Variants in SEPTIN9 observed in about 807,000 individuals in gnomAD.
SEPTIN9 encodes septin 9.
In SEPTIN9, 13 loss-of-function variants were observed where a neutral mutation model predicts 56.6. The observed-to-expected ratio is 0.23, with a 90% CI of 0.15 to 0.37. The LOEUF is 0.37. SEPTIN9 is among the 10% of genes least tolerant of loss of function. The probability of loss-of-function intolerance (pLI) is 1.00; values close to 1 mark genes in which losing one functional copy is unlikely to be tolerated. For synonymous variants in SEPTIN9, 332 were observed against 334.1 expected, an observed-to-expected ratio of 0.99 and a Z score of 0.07; for missense variants, 650 against 823.1, an observed-to-expected ratio of 0.79 and a Z score of 2.57.
intron 1 of SEPTIN9, among the ~76,000 whole-genome samples, chr17:77,293,018 AT>A (rs1567977438): frequency 1.3e-5 from 2 of 149,750 alleles, no homozygotes; most frequent in African/African-American, 2.5e-5. Context: ...TTATTTATTT[AT>A]TTATTTATTT....
chr17:77,359,792 C>T (rs769867102), intron 2 of SEPTIN9, among the ~76,000 whole-genome samples: 3 of 150,844 alleles, frequency 2.0e-5, no homozygotes, highest in Non-Finnish European at 4.4e-5. Flanking sequence ...CAGGACCTGT[C>T]TCTAAAAACA....
chr17:77,386,156 T>G (rs893847319), intron 2 of SEPTIN9, among the ~76,000 whole-genome samples: 2 of 152,142 alleles, frequency 1.3e-5, no homozygotes. Context: ...GGGGATAACT[T>G]GGCTGAAACC....
chr17:77,428,636 G>A (rs1311842439), intron 3 of SEPTIN9, among the ~76,000 whole-genome samples: 2 of 152,196 alleles, frequency 1.3e-5, no homozygotes, highest in East Asian at 3.8e-4. Flanking sequence ...GTCCAGAGAG[G>A]TTAGGGCACT....
At position 77,425,135 on chromosome 17, in the gene SEPTIN9, C is replaced by G. The variant is rs1184328111; in HGVS notation, c.721+22432C>G. On this transcript the variant is annotated intron_variant, in intron 3 of 11. Transcript: ENST00000427177. This position sits in a 1 kb window ranked among gnomAD's most constrained non-coding sequence, Gnocchi z 4.2. ...CCGGGGCTGTTCCTGGCGCCCTGCC[C>G]TCCCCCAGAGCCCCACTGACCTGCA... Among the ~76,000 whole-genome samples, 1 of 152,222 alleles carries G rather than the reference C, an allele frequency of 6.6e-6. No homozygotes were observed. The highest frequency in any genetic ancestry group is 1.5e-5 in the Non-Finnish European group (1 of 68,026).
At chr17:77,464,663 C>T (rs1023235861) in intron 3 of SEPTIN9, among the ~76,000 whole-genome samples, 16 of 151,186 alleles carry the variant, frequency 1.1e-4, no homozygotes, top group Admixed American at 1.3e-4. Flanking sequence ...TGCAGTGGCG[C>T]GATCTTGGCT....
rs1042208009 is a variant in SEPTIN9, at chr17:77,450,125, G to T, written c.722-32019G>T. On this transcript the variant is annotated intron_variant, in intron 3 of 11. Transcript: ENST00000427177. This position sits in a 1 kb window ranked among gnomAD's most constrained non-coding sequence, Gnocchi z 6.0. ...GGCCGTTCACTGTGAGGGTGGGGAG[G>T]GCCGTGGGACCAGGAGGCCTTAGGG... Among the ~76,000 whole-genome samples, 4 of 152,188 alleles carry T rather than the reference G, an allele frequency of 2.6e-5. No homozygotes were observed. Among genetic ancestry groups the T allele is most frequent in the Non-Finnish European group, 5.9e-5 (4 of 68,028 alleles).
chr17:77,289,894 C>T (rs1359306322), intron 1 of SEPTIN9, among the ~76,000 whole-genome samples: 1 of 152,200 alleles, frequency 6.6e-6, no homozygotes, highest in Non-Finnish European at 1.5e-5. Context: ...GTGTTCCATT[C>T]AGTGCTTGTC....
intron 7 of SEPTIN9, 48 bp from the exon 8 acceptor site, chr17:77,490,694 A>C (rs1481635961): frequency 7.0e-7 from 1 of 1,420,564 alleles, no homozygotes; most frequent in Admixed American, 2.0e-5. Context: ...GTGCCCCCCC[A>C]CTGCCCCGCT....
intron 3 of SEPTIN9, among the ~76,000 whole-genome samples, chr17:77,455,388 G>A (rs1324981742): frequency 6.6e-6 from 1 of 152,212 alleles, no homozygotes; most frequent in African/African-American, 2.4e-5. Flanking sequence ...GCCCCCGGCA[G>A]GGCCTGCTGC....
At chr17:77,484,520 G>T (rs2039601248) in intron 4 of SEPTIN9, among the ~76,000 whole-genome samples, 1 of 144,948 alleles carries the variant, frequency 6.9e-6, no homozygotes. Flanking sequence ...GGTGATGGTG[G>T]TAATTGTGAT....
At chr17:77,357,360 A>T (rs533044038) in intron 2 of SEPTIN9, among the ~76,000 whole-genome samples, 1 of 138,554 alleles carries the variant, frequency 7.2e-6, no homozygotes, top group Admixed American at 7.4e-5. Context: ...TCTTCCCTCC[A>T]TTCTGTTGTG....
intron 1 of SEPTIN9, among the ~76,000 whole-genome samples, chr17:77,302,837 G>A (rs1019890195): frequency 2.6e-5 from 4 of 152,130 alleles, no homozygotes; most frequent in African/African-American, 4.8e-5. Context: ...CTCCACTACT[G>A]GAAAGGGGCT....
In SEPTIN9 at chr17:77,314,943, C is replaced by T. The variant is rs147787611; in HGVS notation, c.76+7746C>T. ...GGTGCCCAGGATGGTGCACCTGGGGCGGCTGAACTGGACCTGGCTCCTACT... is the reference window on the plus strand; with the variant it reads ...GGTGCCCAGGATGGTGCACCTGGGGTGGCTGAACTGGACCTGGCTCCTACT... On this transcript the variant is annotated intron_variant, in intron 2 of 11. Transcript: ENST00000427177. 3.5e-3 allele frequency among the ~76,000 whole-genome samples: 537 copies of T among 152,256 alleles called. 3 individuals are homozygous for T. The highest frequency in any genetic ancestry group is 0.027 in the Middle Eastern group (8 of 294).
rs1317338997 is a variant in SEPTIN9 at position 77,371,270 on chromosome 17, C to T, written c.77-30789C>T. 4.6e-5 allele frequency among the ~76,000 whole-genome samples: 7 copies of T among 152,234 alleles called. No homozygotes were observed. The highest frequency in any genetic ancestry group is 8.8e-5 in the Non-Finnish European group (6 of 68,046). On this transcript the variant is annotated intron_variant, in intron 2 of 11. Coordinates refer to ENST00000427177, the MANE Select transcript of SEPTIN9 (RefSeq NM_001113491.2). This position sits in a 1 kb window ranked among gnomAD's most constrained non-coding sequence, Gnocchi z 4.1. Reference sequence around the variant, plus strand: ...AAGGCATGCGCACTTTCTGGCTGCTCTCCTGCCATTGTCCCTTGGGTTCCC... The same window carrying T: ...AAGGCATGCGCACTTTCTGGCTGCTTTCCTGCCATTGTCCCTTGGGTTCCC...
chr17:77,422,663 T>TCCATCCCCATGAAACCGGGC (rs146993052), intron 3 of SEPTIN9, among the ~76,000 whole-genome samples: 1 of 152,008 alleles, frequency 6.6e-6, no homozygotes, highest in Non-Finnish European at 1.5e-5. Flanking sequence ...GGTGCAGGGG[T>TCCATCCCCATGAAACCGGGC]CCATCCCCAT....
At chr17:77,360,181 C>G (rs1306354586) in intron 2 of SEPTIN9, among the ~76,000 whole-genome samples, 1 of 151,132 alleles carries the variant, frequency 6.6e-6, no homozygotes, top group African/African-American at 2.4e-5. Flanking sequence ...AAAAGCAAAC[C>G]CAGGGCCAGG....
At chr17:77,496,031 CTT>C (rs534634574) in intron 10 of SEPTIN9, among the ~76,000 whole-genome samples, 14 of 140,164 alleles carry the variant, frequency 1.0e-4, no homozygotes, top group Non-Finnish European at 1.6e-4. Flanking sequence ...TTTTCTTTTT[CTT>C]TTTTTTTTTT....
intron 2 of SEPTIN9, 88 bp from the exon 3 acceptor site, chr17:77,401,971 C>T: frequency 1.4e-6 from 2 of 1,418,796 alleles, no homozygotes; most frequent in South Asian, 1.3e-5. Context: ...CATCGCCTGC[C>T]TTCCTCTGCT....
rs2032602512 is a variant in SEPTIN9 at position 77,313,949 on chromosome 17, C to A, written c.76+6752C>A. Reference sequence around the variant, plus strand: ...GGCATGGTGACCCATGCCTGTAATCCCAGTACTTTTGGAGCCGAGGTGGGA... The same window carrying A: ...GGCATGGTGACCCATGCCTGTAATCACAGTACTTTTGGAGCCGAGGTGGGA... On this transcript the variant is annotated intron_variant, in intron 2 of 11. Transcript: ENST00000427177. This position sits in a 1 kb window ranked among gnomAD's most constrained non-coding sequence, Gnocchi z 4.5. 6.6e-6 allele frequency among the ~76,000 whole-genome samples: 1 copy of A among 151,930 alleles called. No individual in the cohort carries two copies. Among genetic ancestry groups the A allele is most frequent in the Non-Finnish European group, 1.5e-5 (1 of 67,992 alleles).
Sources: allele counts gnomAD v4.1 joint callset (sites outside exome capture counted in the v4.1 genomes callset), GRCh38; gene constraint gnomAD v4.1.1; non-coding constraint Gnocchi (gnomAD v3.1); transcripts MANE v1.5; gene names NCBI Gene and HGNC (gene_info 2026-07-23, HGNC 2026-07-21).